Variants in GPR139 observed in about 807,000 individuals in gnomAD.
GPR139 encodes the protein G protein-coupled receptor 139.
Under a neutral mutation model 25.8 loss-of-function variants are expected in GPR139, and 12 were observed. The observed-to-expected ratio is 0.47, with a 90% CI of 0.30 to 0.75. The LOEUF (loss-of-function observed/expected upper bound fraction) is 0.75, where lower values mean the gene tolerates loss of function less well. GPR139 is among the 30% of genes least tolerant of loss of function. GPR139 has a pLI of 0.07. For missense variants in GPR139, 380 were observed against 450.2 expected, an observed-to-expected ratio of 0.84 and a Z score of 1.41; for synonymous variants, 184 against 179.9, an observed-to-expected ratio of 1.02 and a Z score of -0.18.
At chr16:20,055,114 T>C (rs2141210414) in intron 1 of GPR139, among the ~76,000 whole-genome samples, 1 of 148,408 alleles carries the variant, frequency 6.7e-6, no homozygotes, top group African/African-American at 2.5e-5. Flanking sequence ...CCCTCCACCG[T>C]CTGATAGGCC....
At chr16:20,043,150 C>T (rs1187075133) in intron 1 of GPR139, among the ~76,000 whole-genome samples, 1 of 152,200 alleles carries the variant, frequency 6.6e-6, no homozygotes. Context: ...TGACTCAGGG[C>T]AATGGAGAAA....
intron 1 of GPR139, among the ~76,000 whole-genome samples, chr16:20,037,018 A>G (rs974276933): frequency 1.3e-5 from 2 of 152,186 alleles, no homozygotes; most frequent in Non-Finnish European, 2.9e-5. Flanking sequence ...AATGAGGGAG[A>G]CAGACAATAA....
In GPR139 at chr16:20,041,235, GGAGAGGAGAGGAGAGGGAAGGAGAAA is replaced by G. The variant is rs2057332991; in HGVS notation, c.128-8592_128-8567del. Among the ~76,000 whole-genome samples, 2 of 5,598 alleles carry G rather than the reference GGAGAGGAGAGGAGAGGGAAGGAGAAA, an allele frequency of 3.6e-4. 1 individual carries two copies. Among genetic ancestry groups the G allele is most frequent in the African/African-American group, 1.3e-3 (2 of 1,512 alleles). 3.7% of individuals were successfully genotyped at this position (5,598 alleles called of 152,430 possible). On this transcript the variant is annotated intron_variant, in intron 1 of 1. Transcript: ENST00000570682. ...GGAGAGGAGAGGAGAGGAGAGGAGA[GGAGAGGAGAGGAGAGGGAAGGAGAAA>G]AGAAAAGCATCTCTCTCTGACAAAG...
Position 20,073,884 on chromosome 16 carries a change from C to G in GPR139, c.-268G>C, listed in dbSNP as rs564789191. On this transcript the variant is annotated 5_prime_UTR_variant, in exon 1 of 2. Transcript: ENST00000570682. The surrounding 1 kb of genome is among the most constrained non-coding windows in gnomAD (Gnocchi z 4.7). ...GGCCTCGGGAGGGGCTCCCGGAGCCCGTCTGTGCGCCTCCCACCTCGGACC... is the reference window on the plus strand; with the variant it reads ...GGCCTCGGGAGGGGCTCCCGGAGCCGGTCTGTGCGCCTCCCACCTCGGACC... 6 of 402,296 alleles carry G rather than the reference C, an allele frequency of 1.5e-5. No individual in the cohort carries two copies. Among genetic ancestry groups the G allele is most frequent in the East Asian group, 4.8e-5 (1 of 20,854 alleles). The allele number at this position is 402,296 out of a possible 1,614,324, so 24.9% of individuals were successfully genotyped here.
At position 20,073,412 on chromosome 16, in the gene GPR139, G is replaced by A. The variant is rs1469280462; in HGVS notation, c.127+78C>T. ...GAGGGGGCGCCAGGGAACGCACGGG[G>A]GAGGACGGGGGATTCTGGGTAGGGT... On this transcript the variant is annotated intron_variant, in intron 1 of 1. Transcript: ENST00000570682. The surrounding 1 kb of genome is among the most constrained non-coding windows in gnomAD (Gnocchi z 4.7). 1 of 1,559,270 alleles carries A rather than the reference G, an allele frequency of 6.4e-7. No homozygotes were observed. The highest frequency in any genetic ancestry group is 8.7e-7 in the Non-Finnish European group (1 of 1,150,636).
At position 20,031,663 on chromosome 16, in the gene GPR139, C is replaced by T. The variant is rs79647380; in HGVS notation, c.*72G>A. The T allele has an allele frequency of 5.5e-4, 666 of 1,200,174 alleles. 3 individuals are homozygous for T. The East Asian group carries it at 0.015, about 26-fold the overall frequency. The allele number at this position is 1,200,174 out of a possible 1,614,324, so 74.3% of individuals were successfully genotyped here. A position where few individuals can be genotyped will look rare whatever the true frequency, so the allele number is the denominator to read the frequency against. On this transcript the variant is annotated 3_prime_UTR_variant, in exon 2 of 2. Coordinates refer to ENST00000570682, the MANE Select transcript of GPR139 (RefSeq NM_001002911.4). ...ATTAGCACTCTTAAGGAGAGCTGCT[C>T]AGCCATAGGATGGGACACCTTCCCA...
rs1041415901 is a variant in GPR139 at position 20,073,753 on chromosome 16, A to G, written c.-137T>C. On this transcript the variant is annotated 5_prime_UTR_variant, in exon 1 of 2. Coordinates refer to ENST00000570682, the MANE Select transcript of GPR139 (RefSeq NM_001002911.4). The surrounding 1 kb of genome is among the most constrained non-coding windows in gnomAD (Gnocchi z 4.7). ...CTCTCTCCCCGCAGGACTGGCTCCTACCCTTGGCCGTGATCCCCTCTGCTC... is the reference window on the plus strand; with the variant it reads ...CTCTCTCCCCGCAGGACTGGCTCCTGCCCTTGGCCGTGATCCCCTCTGCTC... The G allele has an allele frequency of 8.7e-7, 1 of 1,148,974 alleles. No homozygotes were observed. The highest frequency in any genetic ancestry group is 1.2e-6 in the Non-Finnish European group (1 of 842,622). 71.2% of individuals were successfully genotyped at this position (1,148,974 alleles called of 1,614,324 possible).
At chr16:20,046,886 T>G (rs1278211480) in intron 1 of GPR139, among the ~76,000 whole-genome samples, 1 of 151,996 alleles carries the variant, frequency 6.6e-6, no homozygotes, top group Admixed American at 6.6e-5. Flanking sequence ...CTGGGCAACA[T>G]AGTGAGACCC....
chr16:20,053,255 C>T (rs909499371), intron 1 of GPR139, among the ~76,000 whole-genome samples: 2 of 152,146 alleles, frequency 1.3e-5, no homozygotes, highest in African/African-American at 4.8e-5. Flanking sequence ...AAATCAGATG[C>T]AGGACAGAAC....
At chr16:20,040,731 G>A (rs2057326728) in intron 1 of GPR139, among the ~76,000 whole-genome samples, 1 of 152,072 alleles carries the variant, frequency 6.6e-6, no homozygotes, top group East Asian at 1.9e-4. Flanking sequence ...AAGAGAATTT[G>A]TAAGATGGAA....
Position 20,065,034 on chromosome 16 carries a change from C to T in GPR139, c.127+8456G>A, listed in dbSNP as rs78034561. ...GTCTCCATCCCTGTTTTTCCTCGAT[C>T]CTCCCTCTAGATTCTTCTTCTTTTT... On this transcript the variant is annotated intron_variant, in intron 1 of 1. Coordinates refer to ENST00000570682, the MANE Select transcript of GPR139 (RefSeq NM_001002911.4). 4.3e-3 allele frequency among the ~76,000 whole-genome samples: 656 copies of T among 152,154 alleles called. 3 individuals carry two copies. The highest frequency in any genetic ancestry group is 0.01 in the Middle Eastern group (3 of 294).
At chr16:20,067,760 C>T (rs2057440804) in intron 1 of GPR139, among the ~76,000 whole-genome samples, 1 of 146,834 alleles carries the variant, frequency 6.8e-6, no homozygotes. Flanking sequence ...GCCGAGATTG[C>T]ACCATTGCAC....
chr16:20,038,369 G>GTGTGTATA (rs4028367), intron 1 of GPR139, among the ~76,000 whole-genome samples: 26 of 133,252 alleles, frequency 2.0e-4, no homozygotes, highest in African/African-American at 4.3e-4. Flanking sequence ...GTGTGTGTGT[G>GTGTGTATA]TATTCTATAG....
At chr16:20,037,699 GA>G (rs1406074253) in intron 1 of GPR139, among the ~76,000 whole-genome samples, 1 of 152,124 alleles carries the variant, frequency 6.6e-6, no homozygotes, top group Non-Finnish European at 1.5e-5. Context: ...GGGAGCCAGA[GA>G]AAAATGAAAA....
In GPR139 at chr16:20,032,011, C is replaced by A. The variant is rs1444754469; in HGVS notation, c.786G>T (p.Leu262=). The part of the protein sequence containing the change: ...LYGAPIQNRW[L]VHIMSDIANM... ...TGGCAATGTCGGACATGATGTGTAC[C>A]AGCCAGCGGTTCTGGATGGGCGCCC... The change falls in exon 2 of 2, where the codon CTG becomes CTT. Residue 262 remains leucine (L), a synonymous_variant. Transcript: ENST00000570682. 2 of 1,614,046 alleles carry A rather than the reference C, an allele frequency of 1.2e-6. No homozygotes were observed. The highest frequency in any genetic ancestry group is 2.7e-5 in the African/African-American group (2 of 74,916).
In GPR139 at chr16:20,062,942, G is replaced by A. The variant is rs117079616; in HGVS notation, c.127+10548C>T. The stretch of plus-strand genomic sequence containing the variant: ...TCCCTATGGATGACAAATTTTCATC[G>A]GAAGTCTCTGACCTCTATTTAGATG... On this transcript the variant is annotated intron_variant, in intron 1 of 1. Coordinates refer to ENST00000570682, the MANE Select transcript of GPR139 (RefSeq NM_001002911.4). Among the ~76,000 whole-genome samples, 256 of 152,074 alleles carry A rather than the reference G, an allele frequency of 1.7e-3. 3 individuals are homozygous for A. Among genetic ancestry groups the A allele is most frequent in the South Asian group, 3.7e-3 (18 of 4,810 alleles).
rs2141215185 is a variant in GPR139 at position 20,066,420 on chromosome 16, T to C, written c.127+7070A>G. On this transcript the variant is annotated intron_variant, in intron 1 of 1. Coordinates refer to ENST00000570682, the MANE Select transcript of GPR139 (RefSeq NM_001002911.4). ...GGAGTTTCACTGAATCACAGGCAAC[T>C]CTTTTAGGGGGACAAATTCCCTAGG... is the stretch of plus-strand genomic sequence containing the variant. Among the ~76,000 whole-genome samples the C allele has an allele frequency of 2.0e-5, 3 of 152,352 alleles. 1 individual carries two copies. The South Asian group carries it at 6.2e-4, about 32-fold the overall frequency.
chr16:20,058,840 A>T (rs72772754), intron 1 of GPR139, among the ~76,000 whole-genome samples: 6,188 of 152,260 alleles, frequency 0.041, 150 homozygotes, highest in Non-Finnish European at 0.056. Flanking sequence ...GGATTCTTAC[A>T]GCTGACAGCT....
intron 1 of GPR139, among the ~76,000 whole-genome samples, chr16:20,045,488 G>A (rs921340237): frequency 2.6e-5 from 4 of 152,176 alleles, no homozygotes; most frequent in Admixed American, 6.5e-5. Flanking sequence ...GCACTTACTT[G>A]TCCAGATACC....
Sources: gnomAD v4.1 joint callset for allele counts (sites outside exome capture counted in the v4.1 genomes callset) on GRCh38, gnomAD v4.1.1 for gene constraint, Gnocchi (gnomAD v3.1) non-coding constraint, MANE v1.5 for transcripts, NCBI Gene and HGNC (gene_info 2026-07-23, HGNC 2026-07-21) for gene names.